The following SYN2 variants were observed in gnomAD, a reference collection of about 807,000 sequenced individuals.
SYN2 encodes the protein synapsin II, also known as synapsin-2.
A neutral mutation model predicts 50.9 loss-of-function variants in SYN2; 19 were observed. The ratio of observed to expected loss-of-function variants is 0.37; its 90% CI spans 0.26 to 0.55. The LOEUF is 0.55. Among genes scored for constraint, SYN2 ranks in the 20% least tolerant of loss-of-function variants. SYN2 has a pLI of 0.81. For synonymous variants in SYN2, 255 were observed against 224.9 expected, an observed-to-expected ratio of 1.13 and a Z score of -1.20; for missense variants, 587 against 576.4, an observed-to-expected ratio of 1.02 and a Z score of -0.19.
At chr3:12,039,278 T>A (rs75378034) in intron 1 of SYN2, among the ~76,000 whole-genome samples, 7,283 of 152,318 alleles carry the variant, frequency 0.048, 251 homozygotes, top group East Asian at 0.14. Context: ...TAATCCTTTA[T>A]CTATTGCTAG....
chr3:12,041,553 C>A (rs974295294), intron 1 of SYN2, among the ~76,000 whole-genome samples: 1 of 152,182 alleles, frequency 6.6e-6, no homozygotes, highest in African/African-American at 2.4e-5. Context: ...CCAGAAACTT[C>A]AGATTTCTCT....
intron 1 of SYN2, among the ~76,000 whole-genome samples, chr3:12,089,578 G>A (rs1574934098): frequency 6.6e-6 from 1 of 152,228 alleles, no homozygotes; most frequent in African/African-American, 2.4e-5. Context: ...GGGAAGCCAA[G>A]GCAGGGGGAT....
intron 7 of SYN2, among the ~76,000 whole-genome samples, chr3:12,164,431 T>G (rs1278724353): frequency 1.3e-5 from 2 of 152,248 alleles, no homozygotes; most frequent in African/African-American, 4.8e-5. Context: ...GAGAAATGTT[T>G]AGGCCCTCTT....
At chr3:12,051,816 T>G (rs1458596613) in intron 1 of SYN2, among the ~76,000 whole-genome samples, 22 of 152,226 alleles carry the variant, frequency 1.4e-4, no homozygotes, top group Non-Finnish European at 2.9e-5. Context: ...AGGCCTTGTG[T>G]ATGCCTGAGG....
intron 5 of SYN2, among the ~76,000 whole-genome samples, chr3:12,160,964 C>G (rs1040064286): frequency 1.3e-5 from 2 of 152,160 alleles, no homozygotes; most frequent in Non-Finnish European, 2.9e-5. Context: ...CTTTCAAACC[C>G]CAAGCTGGGA....
rs140593747 is a variant in SYN2 at position 12,055,082 on chromosome 3, A to G, written c.377+50154A>G. Among the ~76,000 whole-genome samples the G allele has an allele frequency of 4.6e-3, 702 of 152,208 alleles. 5 individuals are homozygous for G. Among genetic ancestry groups the G allele is most frequent in the African/African-American group, 0.016 (644 of 41,538 alleles). On this transcript the variant is annotated intron_variant, in intron 1 of 12. Coordinates refer to ENST00000621198, the MANE Select transcript of SYN2 (RefSeq NM_133625.6). ...GACATATAGATTTTTATATTTAACA[A>G]TTTAAGAACACACAGTTTCTCAAAT...
At chr3:12,044,601 T>C (rs1694696588) in intron 1 of SYN2, among the ~76,000 whole-genome samples, 3 of 152,166 alleles carry the variant, frequency 2.0e-5, no homozygotes, top group Non-Finnish European at 1.5e-5. Flanking sequence ...AATCCTTTTA[T>C]GTTGAGTCTT....
chr3:12,071,261 G>A (rs1436512956), intron 1 of SYN2: 2 of 554,730 alleles, frequency 3.6e-6, no homozygotes, highest in African/African-American at 1.9e-5. Context: ...GTGTGGATCT[G>A]CAGCTCCATC....
intron 1 of SYN2, among the ~76,000 whole-genome samples, chr3:12,065,956 G>C (rs566568143): frequency 1.3e-5 from 2 of 152,278 alleles, no homozygotes; most frequent in African/African-American, 4.8e-5. Flanking sequence ...GAGACAGAAA[G>C]CAGATTAGTG....
intron 4 of SYN2, among the ~76,000 whole-genome samples, chr3:12,148,336 C>T (rs182244053): frequency 4.4e-4 from 67 of 152,318 alleles, no homozygotes; most frequent in Admixed American, 4.2e-3. Context: ...GTTCTCCCTT[C>T]AGTTTCACAA....
intron 1 of SYN2, among the ~76,000 whole-genome samples, chr3:12,134,874 T>G (rs573704008): frequency 1.3e-5 from 2 of 152,320 alleles, no homozygotes; most frequent in South Asian, 4.1e-4. Context: ...ATGTAGATAT[T>G]GGCGTCCTTT....
At chr3:12,183,702 G>A in intron 11 of SYN2, 1 of 1,262,570 alleles carries the variant, frequency 7.9e-7, no homozygotes, top group Non-Finnish European at 1.0e-6. Flanking sequence ...CAAAAGAATT[G>A]TGCCTCTCCC....
At chr3:12,129,905 G>C (rs868308644) in intron 1 of SYN2, among the ~76,000 whole-genome samples, 1 of 152,058 alleles carries the variant, frequency 6.6e-6, no homozygotes, top group Non-Finnish European at 1.5e-5. Flanking sequence ...TCATGAGAGC[G>C]GGGCCCTCAC....
chr3:12,187,457 C>T lies in SYN2; in HGVS notation c.1458C>T (p.Ser486=), dbSNP rs1315516799. 6.4e-7 allele frequency: 1 copy of T among 1,552,266 alleles called. No individual in the cohort carries two copies. The highest frequency in any genetic ancestry group is 2.4e-5 in the East Asian group (1 of 41,094). The change falls in exon 12 of 13, where the codon TCC becomes TCT. Residue 486 remains serine (S), a synonymous_variant. Transcript: ENST00000621198. ...RLPPGPSLPP[S]SSSSSSSSSS... The stretch of plus-strand genomic sequence containing the variant: ...CCCCTGGACCATCACTGCCACCTTC[C>T]TCCTCTTCCTCCTCTTCTTCCTCCT...
intron 6 of SYN2, 192 bp downstream of exon 6, chr3:12,161,800 C>T (rs1346949040): frequency 1.0e-6 from 1 of 959,210 alleles, no homozygotes; most frequent in African/African-American, 1.6e-5. Flanking sequence ...AAGCCACCTG[C>T]TTGGTCCTCT....
intron 1 of SYN2, among the ~76,000 whole-genome samples, chr3:12,116,446 C>A (rs552009895): frequency 6.6e-6 from 1 of 152,114 alleles, no homozygotes; most frequent in African/African-American, 2.4e-5. Context: ...GTTTTGTGAT[C>A]GGTCAATGAT....
chr3:12,004,673 G>T lies in SYN2; in HGVS notation c.122G>T (p.Gly41Val). Reference protein sequence around the residue: ...PQQPPPPPPPGPGAASASAAP... With the variant: ...PQQPPPPPPPVPGAASASAAP... ...CAGCCGCCGCCGCCGCCGCCCCCCGGTCCGGGCGCCGCCTCGGCCTCGGCG... is the reference window on the plus strand; with the variant it reads ...CAGCCGCCGCCGCCGCCGCCCCCCGTTCCGGGCGCCGCCTCGGCCTCGGCG... Residue 41 changes from glycine to valine, a missense_variant, in exon 1 of 13, where the codon GGT becomes GTT. By Grantham distance (109) the Gly-to-Val change is moderately radical. Transcript: ENST00000621198. 6.9e-6 allele frequency: 2 copies of T among 289,772 alleles called. No individual in the cohort carries two copies. Among genetic ancestry groups the T allele is most frequent in the East Asian group, 1.1e-4 (2 of 17,902 alleles). The allele number at this position is 289,772 out of a possible 1,614,324, so 18.0% of individuals were successfully genotyped here.
At chr3:12,015,334 C>T (rs1472520963) in intron 1 of SYN2, among the ~76,000 whole-genome samples, 1 of 152,216 alleles carries the variant, frequency 6.6e-6, no homozygotes, top group Non-Finnish European at 1.5e-5. Flanking sequence ...CAACACCTCA[C>T]TTTCGACAAC....
chr3:12,145,547 A>T, intron 3 of SYN2, 132 bp from the exon 4 acceptor site: 2 of 1,037,612 alleles, frequency 1.9e-6, no homozygotes, highest in Non-Finnish European at 2.7e-6. Context: ...AAATAACAAC[A>T]GTAAAATGAG....
Sources: allele counts gnomAD v4.1 joint callset (sites outside exome capture counted in the v4.1 genomes callset), GRCh38; gene constraint gnomAD v4.1.1; transcripts MANE v1.5; gene names NCBI Gene and HGNC (gene_info 2026-07-23, HGNC 2026-07-21).